The following CCNQ variants were observed in gnomAD, a reference collection of about 807,000 sequenced individuals.
CCNQ encodes the protein cyclin Q.
Under a neutral mutation model 17.7 loss-of-function variants are expected in CCNQ, and 3 were observed. That is an observed-to-expected ratio of 0.17 (90% CI 0.08 to 0.44). CCNQ has a LOEUF of 0.44. Ranked by LOEUF, CCNQ falls within the 20% of genes least tolerant of loss-of-function variation. The pLI, the probability that CCNQ is intolerant of heterozygous loss-of-function variation, is 0.99. For synonymous variants in CCNQ, 73 were observed against 96.0 expected, an observed-to-expected ratio of 0.76 and a Z score of 1.40; for missense variants, 146 against 222.6, an observed-to-expected ratio of 0.66 and a Z score of 2.19.
intron 4 of CCNQ, among the ~76,000 whole-genome samples, 172 bp from the exon 5 acceptor site, chrX:153,588,626 CCAAA>C (rs2090970405): frequency 8.9e-6 from 1 of 112,558 alleles, no homozygotes; most frequent in Non-Finnish European, 1.9e-5. Flanking sequence ...CCCGTTGAGG[CCAAA>C]CACTTTACAA....
Position 153,588,281 on chromosome X carries a change from C to A in CCNQ, c.*84G>T, listed in dbSNP as rs782490421. ...GTCCTCCCAGCTGGTCCTGTGGGGA[C>A]CAGCCGTCATGGCGACGTGGTGACA... On this transcript the variant is annotated 3_prime_UTR_variant, in exon 5 of 5. Coordinates refer to ENST00000576892, the MANE Select transcript of CCNQ (RefSeq NM_152274.5). 27 of 793,990 alleles carry A rather than the reference C, an allele frequency of 3.4e-5. 1 individual carries two copies. In the Admixed American group the frequency reaches 5.5e-4, roughly 16 times the overall value. 65.4% of individuals were successfully genotyped at this position (793,990 alleles called of 1,213,427 possible). A position where few individuals can be genotyped will look rare whatever the true frequency, so the allele number is the denominator to read the frequency against.
In CCNQ at chrX:153,588,151, C is replaced by T; in HGVS notation, c.*214G>A. ...GCACACAGTACACTCCCGGCCTGCC[C>T]GCTGGAGGCGCGGCTCCCACCATCA... is the stretch of plus-strand genomic sequence containing the variant. On this transcript the variant is annotated 3_prime_UTR_variant, in exon 5 of 5. Coordinates refer to ENST00000576892, the MANE Select transcript of CCNQ (RefSeq NM_152274.5). The T allele has an allele frequency of 1.9e-6, 1 of 520,754 alleles. No homozygotes were observed. The highest frequency in any genetic ancestry group is 3.5e-6 in the Non-Finnish European group (1 of 284,138). The allele number at this position is 520,754 out of a possible 1,213,427, so 42.9% of individuals were successfully genotyped here.
At chrX:153,598,348 G>A (rs1557027530) in intron 1 of CCNQ, among the ~76,000 whole-genome samples, 1 of 111,621 alleles carries the variant, frequency 9.0e-6, no homozygotes, top group African/African-American at 3.3e-5. Context: ...TCCGGGAGAC[G>A]GAGGTTGCAG....
At chrX:153,594,447 T>G in intron 3 of CCNQ, 100 bp downstream of exon 3, 1 of 1,042,958 alleles carries the variant, frequency 9.6e-7, no homozygotes, top group Non-Finnish European at 1.3e-6. Flanking sequence ...TCTCCTTCTG[T>G]GCTGTGCTCT....
Position 153,596,123 on chromosome X carries a change from A to G in CCNQ, c.177T>C (p.Phe59=), listed in dbSNP as rs782403510. 7 of 1,210,825 alleles carry G rather than the reference A, an allele frequency of 5.8e-6. No homozygotes were observed. In the Admixed American group the frequency reaches 1.3e-4, roughly 23 times the overall value. Residue 59 remains phenylalanine (F), a synonymous_variant, in exon 2 of 5, where the codon TTT becomes TTC. Coordinates refer to ENST00000576892, the MANE Select transcript of CCNQ (RefSeq NM_152274.5). ...ATACTIYHKF[F]CETNLDAYDP... Reference sequence around the variant, plus strand: ...CATAGGCGTCCAGGTTGGTCTCGCAAAAGAACTTATGGTAAATGGTGCAAG... The same window carrying G: ...CATAGGCGTCCAGGTTGGTCTCGCAGAAGAACTTATGGTAAATGGTGCAAG...
At chrX:153,593,671 G>A (rs1448222265) in intron 3 of CCNQ, among the ~76,000 whole-genome samples, 2 of 112,393 alleles carry the variant, frequency 1.8e-5, no homozygotes, top group African/African-American at 6.5e-5. Flanking sequence ...GGGTGGAACC[G>A]TCTCTCACCT....
At position 153,588,349 on chromosome X, in the gene CCNQ, G is replaced by C; in HGVS notation, c.*16C>G. The stretch of plus-strand genomic sequence containing the variant: ...ACCATCCTGGGCTTCTCTTTGGGCA[G>C]GCCTGGGCCAGGACCTTAGGGGATC... On this transcript the variant is annotated 3_prime_UTR_variant, in exon 5 of 5. Coordinates refer to ENST00000576892, the MANE Select transcript of CCNQ (RefSeq NM_152274.5). The C allele has an allele frequency of 8.4e-7, 1 of 1,192,139 alleles. No individual in the cohort carries two copies. The highest frequency in any genetic ancestry group is 1.1e-6 in the Non-Finnish European group (1 of 877,024).
At chrX:153,597,894 G>A (rs1031769870) in intron 1 of CCNQ, among the ~76,000 whole-genome samples, 4 of 110,909 alleles carry the variant, frequency 3.6e-5, no homozygotes, top group Non-Finnish European at 5.7e-5. Context: ...CGGACCCTCC[G>A]AGCAGACGGT....
intron 2 of CCNQ, among the ~76,000 whole-genome samples, chrX:153,594,924 G>A (rs1012411134): frequency 7.1e-5 from 8 of 112,254 alleles, no homozygotes; most frequent in African/African-American, 2.6e-4. Context: ...TGGGCTGTCC[G>A]CTATCATTCA....
chrX:153,594,893 C>G (rs1419448926), intron 2 of CCNQ, among the ~76,000 whole-genome samples: 1 of 112,341 alleles, frequency 8.9e-6, no homozygotes, highest in East Asian at 2.8e-4. Flanking sequence ...GGAAAGAAGC[C>G]AGCTCCTAGT....
rs782734343 is a variant in CCNQ at position 153,592,675 on chromosome X, C to A, written c.488G>T (p.Arg163Leu). 8.3e-7 allele frequency: 1 copy of A among 1,211,486 alleles called. No homozygotes were observed. Among genetic ancestry groups the A allele is most frequent in the Admixed American group, 2.2e-5 (1 of 46,097 alleles). ...CCAGGCGGTGACGGCAACAGGGGTC[C>A]GCTGCCAGCTGTGGCGGTTCAGCCA... ...QNWLNRHSWQRTPVAVTAWAL... is the reference protein window; with the variant it reads ...QNWLNRHSWQLTPVAVTAWAL... Residue 163 changes from arginine to leucine, a missense_variant, in exon 4 of 5, where the codon CGG (arginine) becomes CTG (leucine). Arg to Leu is a moderately radical substitution (Grantham distance 102). Transcript: ENST00000576892.
intron 4 of CCNQ, among the ~76,000 whole-genome samples, chrX:153,592,245 T>C (rs190516502): frequency 6.2e-5 from 7 of 112,787 alleles, no homozygotes; most frequent in Admixed American, 4.6e-4. Context: ...GGTTCTCCGC[T>C]GGGGCAACCC....
intron 1 of CCNQ, 40 bp downstream of exon 1, chrX:153,598,922 C>A (rs1409311271): frequency 4.0e-6 from 4 of 1,007,989 alleles, no homozygotes; most frequent in Non-Finnish European, 5.2e-6. Flanking sequence ...CGAAGCGGGC[C>A]GCGGCGCCGC....
In CCNQ at chrX:153,599,015, GGC is replaced by G; in HGVS notation, c.57_58del (p.Gln19HisfsTer38). On this transcript the variant is annotated frameshift_variant, in exon 1 of 5. Coordinates refer to ENST00000576892, the MANE Select transcript of CCNQ (RefSeq NM_152274.5). LOFTEE classifies it high-confidence loss of function. ...GAAGTGCACCCTGGCTTCGGGCGCCGGCTGCCCCTCCGGGCCCCGCGCTGCAG... is the reference window on the plus strand; with the variant it reads ...GAAGTGCACCCTGGCTTCGGGCGCCGTGCCCCTCCGGGCCCCGCGCTGCAG... The G allele has an allele frequency of 8.9e-7, 1 of 1,125,482 alleles. No homozygotes were observed. The highest frequency in any genetic ancestry group is 1.9e-5 in the African/African-American group (1 of 53,494). 92.8% of individuals were successfully genotyped at this position (1,125,482 alleles called of 1,213,427 possible). A position where few individuals can be genotyped will look rare whatever the true frequency, so the allele number is the denominator to read the frequency against.
At chrX:153,596,385 T>C (rs893602912) in intron 1 of CCNQ, among the ~76,000 whole-genome samples, 198 bp from the exon 2 acceptor site, 50 of 111,658 alleles carry the variant, frequency 4.5e-4, no homozygotes, top group African/African-American at 1.3e-3. Flanking sequence ...CCCCTGGGGA[T>C]GGTGTTCAAA....
rs2280924 is a variant in CCNQ, at chrX:153,592,235, G to A, written c.657+271C>T. On this transcript the variant is annotated intron_variant, in intron 4 of 4. Coordinates refer to ENST00000576892, the MANE Select transcript of CCNQ (RefSeq NM_152274.5). Reference sequence around the variant, plus strand: ...AGTTCCCACTCAATTCAGTAAAAGCGGTTCTCCGCTGGGGCAACCCTCCTC... The same window carrying A: ...AGTTCCCACTCAATTCAGTAAAAGCAGTTCTCCGCTGGGGCAACCCTCCTC... Among the ~76,000 whole-genome samples, 7,949 of 112,364 alleles carry A rather than the reference G, an allele frequency of 0.071. 284 individuals are homozygous for A. The highest frequency in any genetic ancestry group is 0.14 in the African/African-American group (4,365 of 30,894).
intron 4 of CCNQ, among the ~76,000 whole-genome samples, chrX:153,590,531 G>A (rs1211530357): frequency 9.0e-6 from 1 of 111,192 alleles, no homozygotes; most frequent in East Asian, 2.8e-4. Flanking sequence ...GGGAGTTGGG[G>A]TTGAACGGGG....
intron 4 of CCNQ, among the ~76,000 whole-genome samples, chrX:153,588,965 G>C (rs138721774): frequency 3.5e-5 from 4 of 113,177 alleles, no homozygotes; most frequent in African/African-American, 1.3e-4. Context: ...GACATCCTCG[G>C]GGCCCATGGC....
chrX:153,595,931 G>A, intron 2 of CCNQ, 73 bp downstream of exon 2: 1 of 1,144,519 alleles, frequency 8.7e-7, no homozygotes, highest in Non-Finnish European at 1.2e-6. Context: ...CTGGTGGGCA[G>A]GGCCCCATAG....
Sources: gnomAD v4.1 joint callset for allele counts (sites outside exome capture counted in the v4.1 genomes callset) on GRCh38, gnomAD v4.1.1 for gene constraint, MANE v1.5 for transcripts, NCBI Gene and HGNC (gene_info 2026-07-23, HGNC 2026-07-21) for gene names.